PAX8: variants seen among roughly 807,000 people sequenced by gnomAD.
PAX8 encodes the protein paired box protein Pax-8.
In PAX8, 15 loss-of-function variants were observed where a neutral mutation model predicts 52.4. The observed-to-expected ratio is 0.29, with a 90% confidence interval of 0.19 to 0.44. The LOEUF is 0.44. Among genes scored for constraint, PAX8 ranks in the 20% least tolerant of loss-of-function variants. PAX8 has a pLI of 1.00. For missense variants in PAX8, 554 were observed against 602.5 expected, an observed-to-expected ratio of 0.92 and a Z score of 0.84; for synonymous variants, 284 against 249.7, an observed-to-expected ratio of 1.14 and a Z score of -1.29.
intron 3 of PAX8, 90 bp from the exon 4 acceptor site, chr2:113,244,714 G>T: frequency 8.3e-7 from 1 of 1,211,564 alleles, no homozygotes; most frequent in South Asian, 1.2e-5. Context: ...CCTCTCTGAG[G>T]CTTCTGGGTA....
At chr2:113,245,045 GT>G (rs11460401) in intron 3 of PAX8, among the ~76,000 whole-genome samples, 43 of 135,626 alleles carry the variant, frequency 3.2e-4, no homozygotes, top group Admixed American at 4.4e-4. Context: ...GGTTTTTTTT[GT>G]TTTTTTTTTT....
chr2:113,250,878 G>A (rs1691708442), intron 2 of PAX8: 1 of 152,192 alleles, frequency 6.6e-6, no homozygotes, highest in Admixed American at 6.5e-5. Flanking sequence ...CATGTTAATG[G>A]TTATCTTTCT....
chr2:113,240,139 A>T (rs149148903), intron 7 of PAX8: 1 of 152,306 alleles, frequency 6.6e-6, no homozygotes, highest in African/African-American at 2.4e-5. Context: ...TTGCAGGCTT[A>T]CTCTCACAGA....
chr2:113,235,829 C>T (rs1690246878), intron 8 of PAX8: 2 of 519,876 alleles, frequency 3.8e-6, no homozygotes, highest in Admixed American at 3.6e-5. Flanking sequence ...TGTGCGCCCG[C>T]CTCTCCCACA....
intron 8 of PAX8, chr2:113,235,884 G>T: frequency 2.4e-6 from 1 of 410,218 alleles, no homozygotes; most frequent in South Asian, 4.2e-5. Flanking sequence ...CCGGAGGCGC[G>T]ACCCCTCGGC....
At chr2:113,220,033 GC>G in intron 11 of PAX8, 58 bp downstream of exon 11, 3 of 1,264,564 alleles carry the variant, frequency 2.4e-6, no homozygotes, top group Non-Finnish European at 3.4e-6. Flanking sequence ...ACCCACCCTT[GC>G]CCCCCACCAC....
chr2:113,221,634 A>C (rs1689278225), intron 10 of PAX8, among the ~76,000 whole-genome samples: 1 of 152,232 alleles, frequency 6.6e-6, no homozygotes, highest in African/African-American at 2.4e-5. Flanking sequence ...GTGCTCAATA[A>C]ATCTAAGCTT....
Position 113,244,569 on chromosome 2 carries a change from C to T in PAX8, c.247G>A (p.Val83Met). 6.2e-7 allele frequency: 1 copy of T among 1,614,142 alleles called. No homozygotes were observed. Among genetic ancestry groups the T allele is most frequent in the Non-Finnish European group, 8.5e-7 (1 of 1,179,978 alleles). Residue 83 changes from valine to methionine, a missense_variant, in exon 4 of 12, where the codon GTG becomes ATG. Val to Met is a conservative substitution (Grantham distance 21). Transcript: ENST00000429538. Reference sequence around the variant, plus strand: ...TTCTCCACCACCTTGGGGGTGGCCACCTTGGGCTTGGAGCCCCCTATCACT... The same window carrying T: ...TTCTCCACCACCTTGGGGGTGGCCATCTTGGGCTTGGAGCCCCCTATCACT... Reference protein sequence around the residue: ...PGVIGGSKPKVATPKVVEKIG... With the variant: ...PGVIGGSKPKMATPKVVEKIG...
intron 2 of PAX8, among the ~76,000 whole-genome samples, chr2:113,265,120 C>T (rs1376221703): frequency 1.3e-5 from 2 of 152,104 alleles, no homozygotes. Flanking sequence ...GGAGAGAAAC[C>T]AGAACATTTT....
rs114934707 is a variant in PAX8 at position 113,266,760 on chromosome 2, G to T, written c.25+11610C>A. ...TCCCAGATCCTAAAAATAATATGAG[G>T]TAGTGGCCATTGAACAGAAAAAATT... is the stretch of plus-strand genomic sequence containing the variant. On this transcript the variant is annotated intron_variant, in intron 2 of 11. Coordinates refer to ENST00000429538, the MANE Select transcript of PAX8 (RefSeq NM_003466.4). The T allele has an allele frequency of 3.3e-3, 496 of 152,284 alleles. 1 individual carries two copies. Among genetic ancestry groups the T allele is most frequent in the African/African-American group, 0.011 (465 of 41,546 alleles). The allele number at this position is 152,284 out of a possible 1,614,324, so 9.4% of individuals were successfully genotyped here.
intron 2 of PAX8, among the ~76,000 whole-genome samples, chr2:113,253,696 C>T (rs766233662): frequency 1.3e-4 from 20 of 152,128 alleles, no homozygotes; most frequent in Non-Finnish European, 2.6e-4. Context: ...TTGCTTTATC[C>T]TGCAGAGTAG....
intron 2 of PAX8, among the ~76,000 whole-genome samples, chr2:113,254,042 A>G (rs1459912384): frequency 2.0e-5 from 3 of 152,230 alleles, no homozygotes; most frequent in African/African-American, 7.2e-5. Flanking sequence ...TTCAGTAAAC[A>G]TGTCACATGA....
chr2:113,239,531 G>C (rs927715470), intron 7 of PAX8: 2 of 152,368 alleles, frequency 1.3e-5, no homozygotes, highest in Admixed American at 6.5e-5. Context: ...AGTTACCAGA[G>C]GTAGGAAAAG....
chr2:113,230,699 A>G (rs1402435459), intron 9 of PAX8: 3 of 152,210 alleles, frequency 2.0e-5, no homozygotes, highest in African/African-American at 7.2e-5. Flanking sequence ...CTTTGCTCCA[A>G]TTGCTTAAAT....
At chr2:113,260,360 T>C (rs34197504) in intron 2 of PAX8, among the ~76,000 whole-genome samples, 42,664 of 152,010 alleles carry the variant, frequency 0.28, 7,676 homozygotes, top group African/African-American at 0.52. Flanking sequence ...TGTGTGCTCA[T>C]GTGTGAGTAT....
chr2:113,237,016 A>C (rs1427833687), intron 7 of PAX8: 2 of 463,286 alleles, frequency 4.3e-6, no homozygotes, highest in African/African-American at 2.0e-5. Context: ...TCCTGGTTTC[A>C]CCACACTGTT....
chr2:113,252,690 A>T (rs1344690462), intron 2 of PAX8, among the ~76,000 whole-genome samples: 7 of 152,218 alleles, frequency 4.6e-5, no homozygotes, highest in Non-Finnish European at 8.8e-5. Flanking sequence ...GCCGAAAGAC[A>T]GCAGCTAGGC....
intron 2 of PAX8, among the ~76,000 whole-genome samples, chr2:113,256,485 C>G (rs544464573): frequency 7.2e-5 from 11 of 152,280 alleles, no homozygotes; most frequent in African/African-American, 2.2e-4. Context: ...CATACAACAA[C>G]AAGAAGAAAG....
At chr2:113,241,432 G>T in intron 7 of PAX8, 119 bp downstream of exon 7, 1 of 948,878 alleles carries the variant, frequency 1.1e-6, no homozygotes, top group Non-Finnish European at 1.6e-6. Flanking sequence ...CATAAGGCAG[G>T]TGCCCTGAGC....
Sources: allele counts gnomAD v4.1 joint callset (sites outside exome capture counted in the v4.1 genomes callset), GRCh38; gene constraint gnomAD v4.1.1; transcripts MANE v1.5; gene names NCBI Gene and HGNC (gene_info 2026-07-23, HGNC 2026-07-21).